The following ACTN2 variants were observed in gnomAD, a reference collection of about 807,000 sequenced individuals.
ACTN2 encodes the protein actinin alpha 2.
ACTN2 carries 39 observed loss-of-function variants against 113.8 expected under a neutral mutation model. The ratio of observed to expected loss-of-function variants is 0.34; its 90% CI spans 0.27 to 0.45. The LOEUF is 0.45. Ranked by LOEUF, ACTN2 falls within the 20% of genes least tolerant of loss-of-function variation. ACTN2 has a pLI of 1.00. For synonymous variants in ACTN2, 429 were observed against 444.1 expected (o/e 0.97, Z 0.43); for missense variants, 992 against 1,177.9 (o/e 0.84, Z 2.31).
At chr1:236,755,739 AGAGTGCCCGCTGCCACTG>A (rs1359914051) in intron 17 of ACTN2, among the ~76,000 whole-genome samples, 4 of 98,494 alleles carry the variant, frequency 4.1e-5, no homozygotes, top group Admixed American at 2.0e-4. Flanking sequence ...TATATACTGC[AGAGTGCCCGCTGCCACTG>A]TTAGAACCCT....
rs764931229 is a variant in ACTN2, at chr1:236,755,029, G to A, written c.1985G>A (p.Arg662Gln). The A allele has an allele frequency of 9.9e-6, 16 of 1,614,022 alleles. No individual in the cohort carries two copies. Among genetic ancestry groups the A allele is most frequent in the East Asian group, 2.2e-5 (1 of 44,892 alleles). Residue 662 changes from arginine to glutamine, a missense_variant, in exon 17 of 21, where the codon CGG becomes CAG. By Grantham distance (43) the Arg-to-Gln change is conservative. Transcript: ENST00000366578. ...ACTCGCCCCCCTCAGGAGATTGCCC[G>A]GAGCTCCATCCAGATCACAGGAGCC... Reference protein sequence around the residue: ...WIQNKMEEIARSSIQITGALE... With the variant: ...WIQNKMEEIAQSSIQITGALE...
chr1:236,737,315 A>ATATATATT, intron 9 of ACTN2, 101 bp downstream of exon 9: 1 of 294,484 alleles, frequency 3.4e-6, no homozygotes, highest in Non-Finnish European at 6.8e-6. Flanking sequence ...ATATATATAT[A>ATATATATT]TATTTTGCAT....
At chr1:236,727,573 C>A in intron 5 of ACTN2, 105 bp from the exon 6 acceptor site, 1 of 1,186,042 alleles carries the variant, frequency 8.4e-7, no homozygotes, top group Non-Finnish European at 1.3e-6. Context: ...GCCCTCCGTG[C>A]ATGAAGTCAG....
intron 17 of ACTN2, 27 bp downstream of exon 17, chr1:236,755,225 G>A (rs769569628): frequency 1.7e-5 from 27 of 1,613,476 alleles, no homozygotes; most frequent in South Asian, 1.4e-4. Context: ...GGCGTGTGCC[G>A]CTCACTTCTC....
At position 236,731,227 on chromosome 1, in the gene ACTN2, A is replaced by C. The variant is rs539077634; in HGVS notation, c.616-6A>C. ...TAAAAATCTGACTGTCTTGGTTTTC[A>C]TACAGGATGACCCCATAGGAAATAT... On this transcript the variant is annotated splice_polypyrimidine_tract_variant and splice_region_variant and intron_variant, in intron 6 of 20. Transcript: ENST00000366578. The C allele has an allele frequency of 1.9e-6, 3 of 1,609,046 alleles. No homozygotes were observed. The highest frequency in any genetic ancestry group is 4.5e-5 in the East Asian group (2 of 44,828).
intron 1 of ACTN2, among the ~76,000 whole-genome samples, chr1:236,691,897 A>T (rs1292098466): frequency 6.6e-6 from 1 of 152,240 alleles, no homozygotes; most frequent in Non-Finnish European, 1.5e-5. Flanking sequence ...CCGATGCTAA[A>T]GATGCATATT....
Position 236,731,268 on chromosome 1 carries a change from A to G in ACTN2, c.651A>G (p.Glu217=), listed in dbSNP as rs756903825. ...DPIGNINLAM[E]IAEKHLDIPK... is the part of the protein sequence containing the mutation. Reference sequence around the variant, plus strand: ...TAGGAAATATTAACCTGGCCATGGAAATCGCTGAGAAGCACCTGGATATTC... The same window carrying G: ...TAGGAAATATTAACCTGGCCATGGAGATCGCTGAGAAGCACCTGGATATTC... The change falls in exon 7 of 21, where the codon GAA becomes GAG. Residue 217 remains glutamate (E), a synonymous_variant. Transcript: ENST00000366578. 1 of 1,613,842 alleles carries G rather than the reference A, an allele frequency of 6.2e-7. No individual in the cohort carries two copies. The highest frequency in any genetic ancestry group is 1.7e-5 in the Admixed American group (1 of 60,010).
intron 1 of ACTN2, among the ~76,000 whole-genome samples, chr1:236,706,842 C>T (rs1294948857): frequency 1.3e-5 from 2 of 152,152 alleles, no homozygotes; most frequent in Non-Finnish European, 2.9e-5. Context: ...TCTGTGTGTG[C>T]GAATGCAGGC....
chr1:236,748,210 T>C, intron 13 of ACTN2: 1 of 243,150 alleles, frequency 4.1e-6, no homozygotes, highest in South Asian at 5.3e-5. Context: ...AGTGTAAGAC[T>C]AAGTGTAAGA....
chr1:236,755,344 C>A lies in ACTN2; in HGVS notation c.2154+146C>A, dbSNP rs1396476652. On this transcript the variant is annotated intron_variant, in intron 17 of 20. Transcript: ENST00000366578. The stretch of plus-strand genomic sequence containing the variant: ...TTAGGGATCTTTAAGCCTTTCCAGT[C>A]ACTATTTGTGGAAATGCTTCGTGAG... The A allele has an allele frequency of 8.5e-6, 8 of 938,682 alleles. No individual in the cohort carries two copies. In the East Asian group the frequency reaches 1.5e-4, roughly 18 times the overall value. 58.1% of individuals were successfully genotyped at this position (938,682 alleles called of 1,614,324 possible). A position where few individuals can be genotyped will look rare whatever the true frequency, so the allele number is the denominator to read the frequency against.
At chr1:236,702,914 A>C (rs188506728) in intron 1 of ACTN2, among the ~76,000 whole-genome samples, 1 of 152,184 alleles carries the variant, frequency 6.6e-6, no homozygotes, top group African/African-American at 2.4e-5. Context: ...GCAGCCATTT[A>C]TTTGGGTCCC....
intron 1 of ACTN2, among the ~76,000 whole-genome samples, chr1:236,705,873 T>C (rs1275838623): frequency 2.0e-5 from 3 of 152,198 alleles, no homozygotes; most frequent in Non-Finnish European, 2.9e-5. Flanking sequence ...TTAGTGCCTT[T>C]CTTTCTGTAT....
chr1:236,742,760 G>A, intron 10 of ACTN2, 136 bp from the exon 11 acceptor site: 7 of 1,047,086 alleles, frequency 6.7e-6, no homozygotes, highest in Non-Finnish European at 1.0e-5. Flanking sequence ...GAGGTGGGGG[G>A]TAAGGAAGGA....
intron 1 of ACTN2, among the ~76,000 whole-genome samples, chr1:236,715,878 C>G (rs1034621237): frequency 2.0e-5 from 3 of 152,164 alleles, no homozygotes; most frequent in Non-Finnish European, 2.9e-5. Flanking sequence ...ATCACTTGAA[C>G]TCGGGAGGCG....
chr1:236,702,790 G>T (rs1558224540), intron 1 of ACTN2, among the ~76,000 whole-genome samples: 1 of 152,180 alleles, frequency 6.6e-6, no homozygotes, highest in Non-Finnish European at 1.5e-5. Context: ...GTACCTGACT[G>T]TGGGCTGTTC....
chr1:236,693,162 AACAT>A (rs1445194836), intron 1 of ACTN2, among the ~76,000 whole-genome samples: 1 of 132,356 alleles, frequency 7.6e-6, no homozygotes, highest in African/African-American at 2.8e-5. Context: ...TTTTGGTACA[AACAT>A]CTGCACACAT....
chr1:236,745,579 A>T (rs1355789008), intron 12 of ACTN2, among the ~76,000 whole-genome samples: 1 of 152,180 alleles, frequency 6.6e-6, no homozygotes, highest in Non-Finnish European at 1.5e-5. Flanking sequence ...AAGAACTGAC[A>T]CGACATTTGA....
At chr1:236,708,288 T>A (rs1657895265) in intron 1 of ACTN2, among the ~76,000 whole-genome samples, 1 of 152,172 alleles carries the variant, frequency 6.6e-6, no homozygotes, top group Non-Finnish European at 1.5e-5. Flanking sequence ...TTCCAGGACA[T>A]CCTGATAATT....
At chr1:236,751,013 C>G (rs1232820472) in intron 14 of ACTN2, among the ~76,000 whole-genome samples, 2 of 148,416 alleles carry the variant, frequency 1.3e-5, no homozygotes, top group East Asian at 4.0e-4. Flanking sequence ...TTACTTGAGC[C>G]CAAGTGTTCA....
Sources: gnomAD v4.1 joint callset for allele counts (sites outside exome capture counted in the v4.1 genomes callset) on GRCh38, gnomAD v4.1.1 for gene constraint, MANE v1.5 for transcripts, NCBI Gene and HGNC (gene_info 2026-07-23, HGNC 2026-07-21) for gene names.